HNRNPU: variants seen among roughly 807,000 people sequenced by gnomAD.
HNRNPU encodes heterogeneous nuclear ribonucleoprotein U, also known as HNRNPU antisense RNA 1.
Under a neutral mutation model 94.7 loss-of-function variants are expected in HNRNPU, and 5 were observed. That is an observed-to-expected ratio of 0.05 (90% CI 0.03 to 0.11). The LOEUF is 0.11. Ranked by LOEUF, HNRNPU falls within the 10% of genes least tolerant of loss-of-function variation. The pLI is 1.00. For synonymous variants in HNRNPU, 434 were observed against 381.6 expected (o/e 1.14, Z -1.60); for missense variants, 710 against 1,049.2 (o/e 0.68, Z 4.47).
Position 244,864,392 on chromosome 1 carries a change from C to T in HNRNPU, c.-85G>A, listed in dbSNP as rs1167254950. On this transcript the variant is annotated 5_prime_UTR_variant, in exon 1 of 14. Coordinates refer to ENST00000640218, the MANE Select transcript of HNRNPU (RefSeq NM_031844.3). ...ACTGGTGGCGGCTGCTGCGGCTGCTCCTCGGCCCGGGCGGCGGCTGCGGCT... is the reference window on the plus strand; with the variant it reads ...ACTGGTGGCGGCTGCTGCGGCTGCTTCTCGGCCCGGGCGGCGGCTGCGGCT... The T allele has an allele frequency of 1.9e-6, 3 of 1,580,562 alleles. No homozygotes were observed. Among genetic ancestry groups the T allele is most frequent in the East Asian group, 2.3e-5 (1 of 44,028 alleles).
chr1:244,856,605 G>A lies in HNRNPU; in HGVS notation c.1764C>T (p.Ala588=), dbSNP rs1338297195. The A allele has an allele frequency of 6.2e-7, 1 of 1,613,628 alleles. No individual in the cohort carries two copies. Among genetic ancestry groups the A allele is most frequent in the Non-Finnish European group, 8.5e-7 (1 of 1,179,928 alleles). ...ILDQTNVSAA[A]QRRKMCLFAG... ...CAAACAGGCACATTTTTCTCCTCTG[G>A]GCAGCAGCAGACACATTTGTCTTTA... is the stretch of plus-strand genomic sequence containing the variant. The change falls in exon 10 of 14, where the codon GCC becomes GCT. Residue 588 remains alanine, a synonymous_variant. Transcript: ENST00000640218.
intron 3 of HNRNPU, chr1:244,860,798 AGAG>A: frequency 6.1e-6 from 2 of 328,550 alleles, no homozygotes. Context: ...GGCAAGCAGT[AGAG>A]GATAGCAGGA....
In HNRNPU at chr1:244,864,349, G is replaced by A; in HGVS notation, c.-42C>T. On this transcript the variant is annotated 5_prime_UTR_variant, in exon 1 of 14. Coordinates refer to ENST00000640218, the MANE Select transcript of HNRNPU (RefSeq NM_031844.3). ...CACCGCTAGGCGCTGCCTCAAACTC[G>A]GCTCCGCTCACTCGGCCACTGGTGG... 3 of 1,596,990 alleles carry A rather than the reference G, an allele frequency of 1.9e-6. No homozygotes were observed. The highest frequency in any genetic ancestry group is 2.6e-6 in the Non-Finnish European group (3 of 1,175,544).
intron 11 of HNRNPU, 55 bp downstream of exon 11, chr1:244,855,849 A>AT: frequency 6.3e-7 from 1 of 1,584,766 alleles, no homozygotes; most frequent in Non-Finnish European, 8.6e-7. Context: ...CAAACTATAA[A>AT]ATTATCACTT....
Position 244,851,118 on chromosome 1 carries a change from C to T in HNRNPU, c.*3332G>A, listed in dbSNP as rs1445820226. The T allele has an allele frequency of 6.6e-6, 1 of 152,220 alleles. No homozygotes were observed. Among genetic ancestry groups the T allele is most frequent in the East Asian group, 1.9e-4 (1 of 5,174 alleles). 9.4% of individuals were successfully genotyped at this position (152,220 alleles called of 1,614,324 possible). The stretch of plus-strand genomic sequence containing the variant: ...GCCACCACACCCAGCCAAGTTCCAT[C>T]CACTTTTGAAAACAAGACATTTATG... On this transcript the variant is annotated 3_prime_UTR_variant, in exon 14 of 14. Transcript: ENST00000640218.
intron 4 of HNRNPU, 124 bp downstream of exon 4, chr1:244,860,211 G>GA: frequency 1.4e-6 from 1 of 690,128 alleles, no homozygotes; most frequent in East Asian, 2.8e-5. Flanking sequence ...GAAGCAAGGA[G>GA]AATCGCTTGA....
In HNRNPU at chr1:244,850,490, AAAG is replaced by A. The variant is rs1192339469; in HGVS notation, c.*3957_*3959del. The A allele has an allele frequency of 1.5e-5, 2 of 135,668 alleles. No individual in the cohort carries two copies. The highest frequency in any genetic ancestry group is 8.0e-5 in the Admixed American group (1 of 12,444). 8.4% of individuals were successfully genotyped at this position (135,668 alleles called of 1,614,324 possible). ...CTGTGCCCACACCCCCCCCCAAAAA[AAAG>A]CTTTAATAAAGGCACTGCAGCGTTA... is the stretch of plus-strand genomic sequence containing the variant. On this transcript the variant is annotated 3_prime_UTR_variant, in exon 14 of 14. Transcript: ENST00000640218.
At chr1:244,858,397 G>A (rs1249667050) in intron 6 of HNRNPU, 123 bp from the exon 7 acceptor site, 2 of 809,190 alleles carry the variant, frequency 2.5e-6, no homozygotes, top group Admixed American at 2.8e-5. Context: ...ACTATTAGGT[G>A]GCCTTTAAGG....
intron 11 of HNRNPU, 119 bp downstream of exon 11, chr1:244,855,785 A>C (rs960733301): frequency 2.3e-6 from 3 of 1,285,404 alleles, no homozygotes; most frequent in Non-Finnish European, 3.3e-6. Flanking sequence ...TCACATGAAT[A>C]CTTTAGTTAC....
In HNRNPU at chr1:244,854,162, TAAA is replaced by T. The variant is rs769259590; in HGVS notation, c.*285_*287del. On this transcript the variant is annotated 3_prime_UTR_variant, in exon 14 of 14. Transcript: ENST00000640218. Reference sequence around the variant, plus strand: ...AAGCAACATTTTACTTCTGTTGTGATAAAAAAAAAAAAAAGTCACATTTTACAG... The same window carrying T: ...AAGCAACATTTTACTTCTGTTGTGATAAAAAAAAAAAGTCACATTTTACAG... 145 of 235,752 alleles carry T rather than the reference TAAA, an allele frequency of 6.2e-4. No homozygotes were observed. The highest frequency in any genetic ancestry group is 1.4e-3 in the Middle Eastern group (1 of 738). 14.6% of individuals were successfully genotyped at this position (235,752 alleles called of 1,614,324 possible).
At chr1:244,856,240 T>C in intron 10 of HNRNPU, 82 bp from the exon 11 acceptor site, 4 of 1,391,480 alleles carry the variant, frequency 2.9e-6, no homozygotes, top group Non-Finnish European at 3.9e-6. Context: ...TCTTGAGGTT[T>C]AGTAACATAT....
intron 3 of HNRNPU, chr1:244,860,731 TAATC>T (rs1042456015): frequency 7.0e-5 from 37 of 531,642 alleles, no homozygotes; most frequent in Middle Eastern, 4.8e-4. Context: ...GTATTTAAAA[TAATC>T]AAGACAATGT....
chr1:244,861,321 T>C (rs1680821569), intron 3 of HNRNPU: 1 of 152,228 alleles, frequency 6.6e-6, no homozygotes, highest in African/African-American at 2.4e-5. Flanking sequence ...GTACTTATAT[T>C]GACATATTCC....
rs1380575058 is a variant in HNRNPU at position 244,851,468 on chromosome 1, C to T, written c.*2982G>A. The T allele has an allele frequency of 1.3e-5, 2 of 152,126 alleles. No individual in the cohort carries two copies. Among genetic ancestry groups the T allele is most frequent in the Admixed American group, 1.3e-4 (2 of 15,248 alleles). The allele number at this position is 152,126 out of a possible 1,614,324, so 9.4% of individuals were successfully genotyped here. ...TGAGACATTTTAAATACAGAATACA[C>T]TCTGTTCATGAATATAAAATCCCCA... On this transcript the variant is annotated 3_prime_UTR_variant, in exon 14 of 14. Transcript: ENST00000640218.
rs1157910201 is a variant in HNRNPU, at chr1:244,857,641, T to C, written c.1571A>G (p.Lys524Arg). 6.2e-7 allele frequency: 1 copy of C among 1,613,508 alleles called. No individual in the cohort carries two copies. Among genetic ancestry groups the C allele is most frequent in the Non-Finnish European group, 8.5e-7 (1 of 1,179,504 alleles). The change falls in exon 8 of 14, where the codon AAA becomes AGA. Residue 524 changes from lysine (K) to arginine (R), a missense_variant. Physicochemically the swap from Lys to Arg is conservative, Grantham distance 26 (BLOSUM62 2). This residue lies in a region of HNRNPU where 31 missense variants were observed against 132.4 expected (regional missense o/e 0.23). Transcript: ENST00000640218. ...AGTATTTGTGCCAAGAATGTTATAT[T>C]TCCCTGGATTTTCTGCTGCATGTTT... ...VTKHAAENPG[K>R]YNILGTNTIM...
rs765578788 is a variant in HNRNPU at position 244,857,690 on chromosome 1, C to T, written c.1522G>A (p.Ala508Thr). The T allele has an allele frequency of 6.2e-7, 1 of 1,613,970 alleles. No homozygotes were observed. Residue 508 changes from alanine to threonine, a missense_variant, in exon 8 of 14, where the codon GCT becomes ACT. Around this residue, in one of 8 missense-constraint regions of HNRNPU, gnomAD observed 150 missense variants for 187.9 expected, o/e 0.80. Transcript: ENST00000640218. Reference protein sequence around the residue: ...EVVMMIGLPGAGKTTWVTKHA... With the variant: ...EVVMMIGLPGTGKTTWVTKHA... ...TTAGTAACCCAGGTAGTTTTTCCAG[C>T]TCCTGGCAAGCCAATCATCATCACA...
chr1:244,855,704 ATAAT>A, intron 11 of HNRNPU, 96 bp from the exon 12 acceptor site: 1 of 1,397,842 alleles, frequency 7.2e-7, no homozygotes, highest in Non-Finnish European at 9.8e-7. Flanking sequence ...TTCTCCAAAA[ATAAT>A]TGTTTAAAGA....
At chr1:244,861,712 C>T (rs1424750184) in intron 3 of HNRNPU, 2 of 143,892 alleles carry the variant, frequency 1.4e-5, no homozygotes, top group Non-Finnish European at 3.0e-5. Context: ...TGTACATTCT[C>T]ATCACTAAAC....
chr1:244,854,809 C>T, intron 13 of HNRNPU, 164 bp downstream of exon 13: 1 of 549,042 alleles, frequency 1.8e-6, no homozygotes, highest in Admixed American at 3.5e-5. Context: ...ACCTATTTTG[C>T]CTTCAAAAGG....
Sources: gnomAD v4.1 joint callset for allele counts on GRCh38, gnomAD v4.1.1 for gene constraint, gnomAD v4.1.1 regional missense constraint, MANE v1.5 for transcripts, NCBI Gene and HGNC (gene_info 2026-07-23, HGNC 2026-07-21) for gene names.